Variants in DLEC1 observed in about 807,000 individuals in gnomAD.
DLEC1 encodes DLEC1 cilia and flagella associated protein.
In DLEC1, 146 loss-of-function variants were observed where a neutral mutation model predicts 198.1. The observed-to-expected ratio is 0.74, with a 90% CI of 0.64 to 0.85. The LOEUF (loss-of-function observed/expected upper bound fraction) is 0.85. Ranked by LOEUF, DLEC1 falls within the 40% of genes least tolerant of loss-of-function variation. The pLI, the probability that DLEC1 is intolerant of heterozygous loss-of-function variation, is 0.00. For missense variants in DLEC1, 2,233 were observed against 2,220.0 expected, an observed-to-expected ratio of 1.01 and a Z score of -0.12; for synonymous variants, 897 against 866.8, an observed-to-expected ratio of 1.03 and a Z score of -0.61.
chr3:38,117,897 T>C lies in DLEC1; in HGVS notation c.4577T>C (p.Phe1526Ser). The C allele has an allele frequency of 6.2e-7, 1 of 1,613,998 alleles. No individual in the cohort carries two copies. Among genetic ancestry groups the C allele is most frequent in the Non-Finnish European group, 8.5e-7 (1 of 1,180,006 alleles). ...HYFRLMVSRPFSVSQDGASQD... is the reference protein window; with the variant it reads ...HYFRLMVSRPSSVSQDGASQD... Reference sequence around the variant, plus strand: ...TTCCGGCTTATGGTCTCCAGGCCCTTCTCCGTTTCTCAAGATGGGGCGAGC... The same window carrying C: ...TTCCGGCTTATGGTCTCCAGGCCCTCCTCCGTTTCTCAAGATGGGGCGAGC... Residue 1526 changes from phenylalanine (F) to serine (S), a missense_variant, in exon 33 of 37, where the codon TTC becomes TCC. Phe to Ser is a radical substitution (Grantham distance 155). Coordinates refer to ENST00000308059, the MANE Select transcript of DLEC1 (RefSeq NM_007335.4).
chr3:38,086,093 G>A, intron 8 of DLEC1, 148 bp from the exon 9 acceptor site: 19 of 1,157,322 alleles, frequency 1.6e-5, no homozygotes, highest in Non-Finnish European at 2.3e-5. Flanking sequence ...GTAGGGTCAG[G>A]ACATGTCCCC....
intron 25 of DLEC1, among the ~76,000 whole-genome samples, chr3:38,113,712 A>C (rs1559461065): frequency 1.3e-5 from 2 of 151,950 alleles, no homozygotes; most frequent in Admixed American, 6.6e-5. Flanking sequence ...TAATAATAAT[A>C]ATCCTATATT....
At chr3:38,117,734 CTA>C (rs1162011830) in intron 32 of DLEC1, 70 bp from the exon 33 acceptor site, 106 of 1,597,592 alleles carry the variant, frequency 6.6e-5, no homozygotes, top group Non-Finnish European at 8.7e-5. Flanking sequence ...CCTCCCAGCC[CTA>C]CCCTAGAGCC....
At chr3:38,107,405 T>A (rs1699621210) in intron 19 of DLEC1, among the ~76,000 whole-genome samples, 179 bp from the exon 20 acceptor site, 1 of 152,244 alleles carries the variant, frequency 6.6e-6, no homozygotes, top group Admixed American at 6.5e-5. Context: ...AAAATGTGAT[T>A]CATTTTTGTA....
At chr3:38,091,544 T>C (rs1449955273) in intron 10 of DLEC1, among the ~76,000 whole-genome samples, 3 of 152,104 alleles carry the variant, frequency 2.0e-5, no homozygotes, top group Non-Finnish European at 4.4e-5. Context: ...AAAAAGCTTC[T>C]ACACAGCAAA....
rs1700467242 is a variant in DLEC1 at position 38,121,638 on chromosome 3, T to C, written c.4877T>C (p.Leu1626Pro). 1 of 1,613,454 alleles carries C rather than the reference T, an allele frequency of 6.2e-7. No individual in the cohort carries two copies. The highest frequency in any genetic ancestry group is 1.3e-5 in the African/African-American group (1 of 74,892). ...CCTGGTCTCCCACAGGTGGTGCCCC[T>C]GCGGGCTGTGGTGGCCGTGCCTGAG... ...YTNQTTQVVP[L>P]RAVVAVPELQ... The change falls in exon 35 of 37, where the codon CTG (leucine) becomes CCG (proline). Residue 1626 changes from leucine (L) to proline (P), a missense_variant. Coordinates refer to ENST00000308059, the MANE Select transcript of DLEC1 (RefSeq NM_007335.4).
intron 19 of DLEC1, among the ~76,000 whole-genome samples, 157 bp from the exon 20 acceptor site, chr3:38,107,427 T>C (rs1324709752): frequency 6.6e-6 from 1 of 152,264 alleles, no homozygotes; most frequent in Non-Finnish European, 1.5e-5. Flanking sequence ...ATTGATCTTA[T>C]ATCCTGAAAC....
rs1417017740 is a variant in DLEC1, at chr3:38,106,930, CACA to C, written c.2865-649_2865-647del. Among the ~76,000 whole-genome samples, 3 of 152,122 alleles carry C rather than the reference CACA, an allele frequency of 2.0e-5. 1 individual carries two copies. Among genetic ancestry groups the C allele is most frequent in the Non-Finnish European group, 4.4e-5 (3 of 68,030 alleles). On this transcript the variant is annotated intron_variant, in intron 19 of 36. Coordinates refer to ENST00000308059, the MANE Select transcript of DLEC1 (RefSeq NM_007335.4). Reference sequence around the variant, plus strand: ...AGCTTGCCCATCAAGCTCCTGCTCTCACAACAAGGAAAGACTGAACAAACTGAA... The same window carrying C: ...AGCTTGCCCATCAAGCTCCTGCTCTCACAAGGAAAGACTGAACAAACTGAA...
chr3:38,089,390 G>A (rs112058211), intron 10 of DLEC1, among the ~76,000 whole-genome samples: 516 of 152,348 alleles, frequency 3.4e-3, no homozygotes, highest in Non-Finnish European at 5.5e-3. Flanking sequence ...ATGCTGTCAG[G>A]AAGGGCTTCC....
chr3:38,059,879 C>T, intron 3 of DLEC1, 27 bp downstream of exon 3: 2 of 1,601,696 alleles, frequency 1.2e-6, no homozygotes, highest in Non-Finnish European at 1.7e-6. Context: ...CTCAAGGCCT[C>T]TGATACCATT....
chr3:38,116,382 A>G, intron 27 of DLEC1, 71 bp from the exon 28 acceptor site: 1 of 1,496,808 alleles, frequency 6.7e-7, no homozygotes. Flanking sequence ...TGGGGGTATG[A>G]GGAGGAGGGG....
chr3:38,084,542 A>AGTAGTGGTGGTG (rs1575171874), intron 7 of DLEC1, among the ~76,000 whole-genome samples: 10 of 716 alleles, frequency 0.014, no homozygotes, highest in South Asian at 0.1. Context: ...TGGTGGTGGT[A>AGTAGTGGTGGTG]GTAGTAGTGG....
rs377159175 is a variant in DLEC1, at chr3:38,116,546, G to C, written c.3950G>C (p.Arg1317Pro). ...LVFYGPPFPL[R>P]DQAGNELVCP... ...TTTTATGGGCCACCTTTCCCGCTGC[G>C]GGACCAAGCCGGGAATGAGCTTGTG... Residue 1317 changes from arginine (R) to proline (P), a missense_variant, in exon 28 of 37, where the codon CGG (arginine) becomes CCG (proline). Arg to Pro is a moderately radical substitution (Grantham distance 103, BLOSUM62 -2). Coordinates refer to ENST00000308059, the MANE Select transcript of DLEC1 (RefSeq NM_007335.4). 1 of 1,613,992 alleles carries C rather than the reference G, an allele frequency of 6.2e-7. No individual in the cohort carries two copies. Among genetic ancestry groups the C allele is most frequent in the African/African-American group, 1.3e-5 (1 of 74,896 alleles).
chr3:38,075,003 G>A (rs565414226), intron 6 of DLEC1, among the ~76,000 whole-genome samples: 5 of 152,234 alleles, frequency 3.3e-5, no homozygotes, highest in South Asian at 2.1e-4. Flanking sequence ...AAGCCGGACC[G>A]GGTGTGAGGA....
intron 6 of DLEC1, among the ~76,000 whole-genome samples, chr3:38,082,471 G>A (rs1056399459): frequency 2.6e-5 from 4 of 152,090 alleles, no homozygotes; most frequent in Non-Finnish European, 4.4e-5. Context: ...CGGGCCCCGC[G>A]GGGCCCGTCC....
At chr3:38,059,104 T>C (rs1368218429) in intron 2 of DLEC1, among the ~76,000 whole-genome samples, 1 of 152,204 alleles carries the variant, frequency 6.6e-6, no homozygotes, top group Non-Finnish European at 1.5e-5. Context: ...CTCTCCTGTA[T>C]CTGCAGGTCA....
At chr3:38,063,629 T>A (rs1422277675) in intron 5 of DLEC1, among the ~76,000 whole-genome samples, 1 of 152,270 alleles carries the variant, frequency 6.6e-6, no homozygotes. Context: ...AATATGTAGC[T>A]ACTTATGTCT....
At position 38,094,969 on chromosome 3, in the gene DLEC1, G is replaced by T. The variant is rs768490949; in HGVS notation, c.2010G>T (p.Lys670Asn). 6.2e-7 allele frequency: 1 copy of T among 1,614,226 alleles called. No homozygotes were observed. The highest frequency in any genetic ancestry group is 8.5e-7 in the Non-Finnish European group (1 of 1,180,040). ...AAACCTTCAGCATGGACAGCATCAA[G>T]TGCTACCCCGACAAGGAGACTGCCT... ...PGETFSMDSI[K>N]CYPDKETAFS... Residue 670 changes from lysine to asparagine, a missense_variant, in exon 13 of 37, where the codon AAG becomes AAT. Lys to Asn is a moderately conservative substitution (Grantham distance 94, BLOSUM62 0). Transcript: ENST00000308059.
chr3:38,063,957 GCTTT>G (rs1330707593), intron 6 of DLEC1, 38 bp downstream of exon 6: 4 of 1,292,864 alleles, frequency 3.1e-6, no homozygotes, highest in Non-Finnish European at 4.2e-6. Context: ...CACCCCATCT[GCTTT>G]CTTATTTTTA....
Sources: allele counts gnomAD v4.1 joint callset (sites outside exome capture counted in the v4.1 genomes callset), GRCh38; gene constraint gnomAD v4.1.1; transcripts MANE v1.5; gene names NCBI Gene and HGNC (gene_info 2026-07-23, HGNC 2026-07-21).